The following ELAPOR2 variants were observed in gnomAD, a reference collection of about 807,000 sequenced individuals.
The protein encoded by ELAPOR2 is endosome/lysosome-associated apoptosis and autophagy regulator family member 2.
ELAPOR2 carries 89 observed loss-of-function variants against 120.7 expected under a neutral mutation model. The ratio of observed to expected loss-of-function variants is 0.74; its 90% CI spans 0.62 to 0.88. ELAPOR2 has a LOEUF of 0.88. Ranked by LOEUF, ELAPOR2 falls within the 40% of genes least tolerant of loss-of-function variation. The probability of loss-of-function intolerance (pLI) is 0.00; values close to 1 mark genes in which losing one functional copy is unlikely to be tolerated. For missense variants in ELAPOR2, 1,134 were observed against 1,251.6 expected, an observed-to-expected ratio of 0.91 and a Z score of 1.42; for synonymous variants, 444 against 444.9, an observed-to-expected ratio of 1.00 and a Z score of 0.03.
At chr7:86,927,874 T>A (rs1790147253) in intron 8 of ELAPOR2, among the ~76,000 whole-genome samples, 1 of 152,018 alleles carries the variant, frequency 6.6e-6, no homozygotes, top group African/African-American at 2.4e-5. Context: ...CTAAAAGTAT[T>A]TTTTCTCCTT....
At position 87,059,613 on chromosome 7, in the gene ELAPOR2, G is replaced by T. The variant is rs562398113; in HGVS notation, c.-100C>A. 7.3e-4 allele frequency: 805 copies of T among 1,097,344 alleles called. 1 individual carries two copies. Among genetic ancestry groups the T allele is most frequent in the Non-Finnish European group, 8.6e-4 (773 of 900,718 alleles). The allele number at this position is 1,097,344 out of a possible 1,614,324, so 68.0% of individuals were successfully genotyped here. A position where few individuals can be genotyped will look rare whatever the true frequency, so the allele number is the denominator to read the frequency against. On this transcript the variant is annotated 5_prime_UTR_variant, in exon 1 of 22. Coordinates refer to ENST00000450689, the MANE Select transcript of ELAPOR2 (RefSeq NM_001142749.3). The stretch of plus-strand genomic sequence containing the variant: ...GCCGCGACTGCTGTGCGCTCGTCTC[G>T]CCGCTCCGTCACCCGCTGCCCGTCC...
In ELAPOR2 at chr7:86,912,138, G is replaced by A. The variant is rs989541382; in HGVS notation, c.2103C>T (p.Gly701=). The A allele has an allele frequency of 6.2e-7, 1 of 1,612,756 alleles. No homozygotes were observed. The highest frequency in any genetic ancestry group is 8.5e-7 in the Non-Finnish European group (1 of 1,178,966). The change falls in exon 15 of 22, where the codon GGC becomes GGT. Residue 701 remains glycine, a synonymous_variant. Coordinates refer to ENST00000450689, the MANE Select transcript of ELAPOR2 (RefSeq NM_001142749.3). ...TTGTTCCTTTGGAGGTGAAGCTGGGGCCATTCATTAATGAGCCCACACTGC... is the reference window on the plus strand; with the variant it reads ...TTGTTCCTTTGGAGGTGAAGCTGGGACCATTCATTAATGAGCCCACACTGC... The part of the protein sequence containing the change: ...NLSSVGSLMN[G]PSFTSKGTKY...
intron 10 of ELAPOR2, among the ~76,000 whole-genome samples, chr7:86,924,441 C>A (rs975441232): frequency 6.6e-6 from 1 of 150,958 alleles, no homozygotes; most frequent in African/African-American, 2.4e-5. Flanking sequence ...TTATTCTATA[C>A]CCTTGCCTTC....
At chr7:87,020,701 T>C (rs894062808) in intron 1 of ELAPOR2, among the ~76,000 whole-genome samples, 4 of 152,138 alleles carry the variant, frequency 2.6e-5, no homozygotes. Context: ...ACTTTATACA[T>C]ATCCTAAATG....
intron 1 of ELAPOR2, among the ~76,000 whole-genome samples, chr7:86,967,249 C>G (rs576225045): frequency 6.6e-6 from 1 of 152,226 alleles, no homozygotes; most frequent in South Asian, 2.1e-4. Context: ...CACTTGAGGT[C>G]AGGAGTTTGA....
rs148642372 is a variant in ELAPOR2, at chr7:87,040,012, C to G, written c.189+19313G>C. 8.2e-3 allele frequency among the ~76,000 whole-genome samples: 1,244 copies of G among 152,184 alleles called. 19 individuals carry two copies. The highest frequency in any genetic ancestry group is 0.029 in the African/African-American group (1,194 of 41,510). On this transcript the variant is annotated intron_variant, in intron 1 of 21. Transcript: ENST00000450689. ...CCTAGTCAAAGAAAGGGGTGACGGA[C>G]GGCACCTGGAAAATCGGGTCACTCC...
chr7:86,961,352 G>A (rs1791700238), intron 2 of ELAPOR2, among the ~76,000 whole-genome samples: 1 of 152,158 alleles, frequency 6.6e-6, no homozygotes, highest in Admixed American at 6.5e-5. Context: ...TATGGACTCA[G>A]ATATATTTTA....
chr7:86,926,645 C>T (rs1342918918), intron 9 of ELAPOR2, 91 bp downstream of exon 9: 1 of 1,280,582 alleles, frequency 7.8e-7, no homozygotes, highest in African/African-American at 1.5e-5. Flanking sequence ...TCTGTAACCA[C>T]TTTCCATAAA....
Position 86,947,847 on chromosome 7 carries a change from G to T in ELAPOR2, c.386C>A (p.Ser129Tyr). 1.3e-6 allele frequency: 2 copies of T among 1,552,094 alleles called. No individual in the cohort carries two copies. The highest frequency in any genetic ancestry group is 3.9e-5 in the Admixed American group (2 of 50,992). ...ATCAAATTTGATGCCACTGCCCAAGGAATAGGTGCCTTCACCACACTTACT... is the reference window on the plus strand; with the variant it reads ...ATCAAATTTGATGCCACTGCCCAAGTAATAGGTGCCTTCACCACACTTACT... Reference protein sequence around the residue: ...VCSKCGEGTYSLGSGIKFDEW... With the variant: ...VCSKCGEGTYYLGSGIKFDEW... Residue 129 changes from serine (S) to tyrosine (Y), a missense_variant, in exon 3 of 22, where the codon TCC becomes TAC. Transcript: ENST00000450689.
Position 87,016,335 on chromosome 7 carries a change from C to A in ELAPOR2, c.189+42990G>T, listed in dbSNP as rs140224051. Among the ~76,000 whole-genome samples, 1,042 of 151,940 alleles carry A rather than the reference C, an allele frequency of 6.9e-3. 10 individuals carry two copies. The highest frequency in any genetic ancestry group is 0.024 in the African/African-American group (977 of 41,446). On this transcript the variant is annotated intron_variant, in intron 1 of 21. Transcript: ENST00000450689. Reference sequence around the variant, plus strand: ...GGGGATGGGTAGAAATAGGGATGGACAAGACTCCATCTCAAAAAATATATA... The same window carrying A: ...GGGGATGGGTAGAAATAGGGATGGAAAAGACTCCATCTCAAAAAATATATA...
intron 1 of ELAPOR2, among the ~76,000 whole-genome samples, chr7:87,038,556 T>C (rs1178452802): frequency 6.6e-6 from 1 of 152,136 alleles, no homozygotes; most frequent in Non-Finnish European, 1.5e-5. Context: ...TAAGTCTTAA[T>C]ACATTCAAAA....
At position 87,039,033 on chromosome 7, in the gene ELAPOR2, GA is replaced by G. The variant is rs111466806; in HGVS notation, c.189+20291del. On this transcript the variant is annotated intron_variant, in intron 1 of 21. Coordinates refer to ENST00000450689, the MANE Select transcript of ELAPOR2 (RefSeq NM_001142749.3). ...ATTGACAAAACTTTAGCTAGACTAA[GA>G]AAAAAAGAAGATACAAATAAATAAA... is the stretch of plus-strand genomic sequence containing the variant. Among the ~76,000 whole-genome samples, 2 of 151,662 alleles carry G rather than the reference GA, an allele frequency of 1.3e-5. 1 individual carries two copies. The highest frequency in any genetic ancestry group is 4.8e-5 in the African/African-American group (2 of 41,398).
chr7:86,937,990 C>T, intron 8 of ELAPOR2, 136 bp downstream of exon 8: 2 of 635,442 alleles, frequency 3.1e-6, no homozygotes, highest in Non-Finnish European at 5.3e-6. Flanking sequence ...AGACTTCAAA[C>T]CCTAAACTCT....
At chr7:87,008,958 A>G (rs1005116602) in intron 1 of ELAPOR2, among the ~76,000 whole-genome samples, 7 of 152,168 alleles carry the variant, frequency 4.6e-5, no homozygotes, top group African/African-American at 7.2e-5. Flanking sequence ...AAGCTATTTC[A>G]TAAGTGGAAA....
chr7:87,040,121 C>T (rs1014976387), intron 1 of ELAPOR2, among the ~76,000 whole-genome samples: 2 of 152,224 alleles, frequency 1.3e-5, no homozygotes, highest in Admixed American at 6.5e-5. Context: ...GAGGGTCCTA[C>T]GCCCACGGAG....
intron 1 of ELAPOR2, among the ~76,000 whole-genome samples, chr7:87,027,060 G>C (rs1164942658): frequency 6.6e-6 from 1 of 152,054 alleles, no homozygotes; most frequent in African/African-American, 2.4e-5. Flanking sequence ...GATATACTGT[G>C]GGGTCAGATG....
intron 19 of ELAPOR2, among the ~76,000 whole-genome samples, chr7:86,895,990 C>A (rs1323725891): frequency 6.6e-6 from 1 of 151,938 alleles, no homozygotes. Flanking sequence ...TATCCTTGAC[C>A]TACTTAAAAA....
intron 2 of ELAPOR2, among the ~76,000 whole-genome samples, chr7:86,949,553 TGCAGCTACCCAAG>T (rs1791150322): frequency 6.6e-6 from 1 of 152,246 alleles, no homozygotes; most frequent in African/African-American, 2.4e-5. Context: ...TGAGCACAGC[TGCAGCTACCCAAG>T]CCATGGCTGT....
chr7:86,915,360 C>G (rs1057407948), intron 12 of ELAPOR2, among the ~76,000 whole-genome samples: 3 of 151,956 alleles, frequency 2.0e-5, no homozygotes, highest in South Asian at 2.1e-4. Flanking sequence ...TGACTTTATC[C>G]AAGTGCATGT....
Sources: gnomAD v4.1 joint callset for allele counts (sites outside exome capture counted in the v4.1 genomes callset) on GRCh38, gnomAD v4.1.1 for gene constraint, MANE v1.5 for transcripts, NCBI Gene and HGNC (gene_info 2026-07-23, HGNC 2026-07-21) for gene names.